Variants in DMD observed in about 807,000 individuals in gnomAD.
DMD encodes the protein dystrophin.
A neutral mutation model predicts 330.1 loss-of-function variants in DMD; 63 were observed. The observed-to-expected ratio is 0.19, with a 90% CI of 0.16 to 0.24. The LOEUF (loss-of-function observed/expected upper bound fraction) is 0.24, where lower values mean the gene tolerates loss of function less well. Ranked by LOEUF, DMD falls within the 10% of genes least tolerant of loss-of-function variation. DMD has a pLI of 1.00. For synonymous variants in DMD, 1,223 were observed against 959.8 expected, an observed-to-expected ratio of 1.27 and a Z score of -5.07; for missense variants, 3,344 against 2,684.1, an observed-to-expected ratio of 1.25 and a Z score of -5.43.
intron 52 of DMD, among the ~76,000 whole-genome samples, chrX:31,717,972 C>T (rs1358442345): frequency 9.0e-6 from 1 of 111,548 alleles, no homozygotes; most frequent in African/African-American, 3.3e-5. Flanking sequence ...CTCCAATTGT[C>T]AGGCTTATTG....
chrX:32,775,698 T>C (rs1328997192), intron 7 of DMD, among the ~76,000 whole-genome samples: 9 of 112,925 alleles, frequency 8.0e-5, no homozygotes, highest in Non-Finnish European at 1.7e-4. Flanking sequence ...AAACCATTTT[T>C]CCCTTCTAGG....
intron 2 of DMD, among the ~76,000 whole-genome samples, chrX:32,950,655 C>A (rs940097784): frequency 9.0e-6 from 1 of 111,660 alleles, no homozygotes; most frequent in Non-Finnish European, 1.9e-5. Context: ...TCATACACTG[C>A]ACTTTCTACC....
At chrX:32,049,759 G>T (rs961670418) in intron 44 of DMD, among the ~76,000 whole-genome samples, 1 of 111,633 alleles carries the variant, frequency 9.0e-6, no homozygotes, top group African/African-American at 3.3e-5. Context: ...AAAATTGAAG[G>T]TATCAGGCTT....
intron 7 of DMD, among the ~76,000 whole-genome samples, chrX:32,732,428 C>T (rs1467478443): frequency 9.1e-6 from 1 of 110,203 alleles, no homozygotes; most frequent in Admixed American, 9.7e-5. Context: ...AAAGATACTC[C>T]TCGAGAAGAG....
intron 41 of DMD, among the ~76,000 whole-genome samples, chrX:32,331,952 T>C (rs2097682375): frequency 8.9e-6 from 1 of 111,776 alleles, no homozygotes; most frequent in Non-Finnish European, 1.9e-5. Flanking sequence ...TTCATATAGT[T>C]TCTTACTACC....
intron 48 of DMD, among the ~76,000 whole-genome samples, chrX:31,846,315 T>A (rs2093424807): frequency 9.0e-6 from 1 of 110,566 alleles, no homozygotes; most frequent in African/African-American, 3.3e-5. Context: ...TTTTTAAAAT[T>A]CAGCAAACAG....
chrX:32,464,511 C>A (rs773460936), intron 24 of DMD, 75 bp downstream of exon 24: 97 of 795,093 alleles, frequency 1.2e-4, no homozygotes, highest in Non-Finnish European at 1.7e-4. Context: ...TCCACCCCAG[C>A]TGTAAAACAC....
intron 1 of DMD, among the ~76,000 whole-genome samples, chrX:33,078,300 C>T (rs1333637673): frequency 2.7e-5 from 3 of 112,073 alleles, no homozygotes; most frequent in Non-Finnish European, 5.6e-5. Flanking sequence ...GGAAGCATGC[C>T]ATTCCAGTCA....
At position 32,274,841 on chromosome X, in the gene DMD, A is replaced by G. The variant is rs1267417289; in HGVS notation, c.6290+12688T>C. Among the ~76,000 whole-genome samples, 5 of 112,247 alleles carry G rather than the reference A, an allele frequency of 4.5e-5. No individual in the cohort carries two copies. In the East Asian group the frequency reaches 1.4e-3, roughly 31 times the overall value. ...TATTCATTGATAATTGGTTTGTTGT[A>G]AGGAGACGCTTTGATAGTCCAATAT... On this transcript the variant is annotated intron_variant, in intron 43 of 78. Coordinates refer to ENST00000357033, the MANE Select transcript of DMD (RefSeq NM_004006.3).
At chrX:32,040,338 T>C (rs1355902291) in intron 44 of DMD, among the ~76,000 whole-genome samples, 1 of 112,100 alleles carries the variant, frequency 8.9e-6, no homozygotes, top group East Asian at 2.8e-4. Flanking sequence ...ATATTTTTTC[T>C]TCTCTCTCTT....
chrX:32,115,403 T>C (rs1265392498), intron 44 of DMD, among the ~76,000 whole-genome samples: 1 of 110,597 alleles, frequency 9.0e-6, no homozygotes, highest in Non-Finnish European at 1.9e-5. Context: ...ACCCGATTAA[T>C]TTTTGCGCGC....
intron 60 of DMD, among the ~76,000 whole-genome samples, chrX:31,362,599 G>T (rs1240057826): frequency 8.9e-6 from 1 of 112,464 alleles, no homozygotes; most frequent in Admixed American, 9.4e-5. Context: ...CTTGTTTTCC[G>T]ATCTAACCTG....
chrX:32,336,020 TATATATAAC>T (rs1269240153), intron 41 of DMD, among the ~76,000 whole-genome samples: 1 of 99,800 alleles, frequency 1.0e-5, no homozygotes, highest in Non-Finnish European at 2.1e-5. Context: ...ATATAACGTG[TATATATAAC>T]GTTATATATA....
chrX:32,984,790 G>A (rs1248278536), intron 2 of DMD, among the ~76,000 whole-genome samples: 2 of 111,136 alleles, frequency 1.8e-5, no homozygotes, highest in African/African-American at 3.3e-5. Context: ...GCTGCTTCTC[G>A]CTGGAAACCT....
At chrX:32,069,843 G>T (rs749301345) in intron 44 of DMD, among the ~76,000 whole-genome samples, 24 of 111,294 alleles carry the variant, frequency 2.2e-4, no homozygotes, top group Non-Finnish European at 4.1e-4. Flanking sequence ...GGGAAGACTT[G>T]GATAAGCAAA....
intron 1 of DMD, among the ~76,000 whole-genome samples, chrX:33,163,620 C>CTATCTATCTATG (rs1557282313): frequency 1.1e-3 from 21 of 19,486 alleles, no homozygotes; most frequent in African/African-American, 1.8e-3. Flanking sequence ...ATATCTATCT[C>CTATCTATCTATG]TATCTATCTA....
intron 44 of DMD, among the ~76,000 whole-genome samples, chrX:32,086,896 G>A: frequency 9.0e-6 from 1 of 111,696 alleles, no homozygotes; most frequent in Non-Finnish European, 1.9e-5. Flanking sequence ...GTACTTTGTT[G>A]ACAAAGAATT....
intron 60 of DMD, among the ~76,000 whole-genome samples, chrX:31,378,685 C>T (rs1350773915): frequency 1.8e-5 from 2 of 109,266 alleles, no homozygotes; most frequent in African/African-American, 6.7e-5. Flanking sequence ...ACCCCTTCTC[C>T]GCTTTTCTGG....
chrX:32,857,985 G>A (rs1291038918), intron 2 of DMD, among the ~76,000 whole-genome samples: 2 of 101,201 alleles, frequency 2.0e-5, no homozygotes, highest in African/African-American at 7.1e-5. Flanking sequence ...ACACCTAGCT[G>A]GGGCACCGAG....
Sources: allele counts gnomAD v4.1 joint callset (sites outside exome capture counted in the v4.1 genomes callset), GRCh38; gene constraint gnomAD v4.1.1; transcripts MANE v1.5; gene names NCBI Gene and HGNC (gene_info 2026-07-23, HGNC 2026-07-21).